LRRC7: variants seen among roughly 807,000 people sequenced by gnomAD.
LRRC7 encodes the protein leucine-rich repeat-containing protein 7.
LRRC7 carries 23 observed loss-of-function variants against 175.7 expected under a neutral mutation model. The observed-to-expected ratio is 0.13, with a 90% confidence interval of 0.09 to 0.19. LRRC7 has a LOEUF of 0.19. Among genes scored for constraint, LRRC7 ranks in the 10% least tolerant of loss-of-function variants. The pLI, the probability that LRRC7 is intolerant of heterozygous loss-of-function variation, is 1.00. For missense variants in LRRC7, 1,354 were observed against 1,904.7 expected (o/e 0.71, Z 5.38); for synonymous variants, 685 against 680.9 (o/e 1.01, Z -0.09).
At chr1:69,954,133 C>T (rs772791474) in intron 8 of LRRC7, among the ~76,000 whole-genome samples, 20 of 151,870 alleles carry the variant, frequency 1.3e-4, no homozygotes, top group Non-Finnish European at 2.6e-4. Flanking sequence ...ATAAGCTTTC[C>T]GTAAGGCGCA....
chr1:69,830,737 T>C (rs1314204302), intron 5 of LRRC7, among the ~76,000 whole-genome samples: 2 of 151,896 alleles, frequency 1.3e-5, no homozygotes, highest in South Asian at 2.1e-4. Context: ...AAATAAAACA[T>C]AGATGTCGTT....
At chr1:69,702,039 C>T (rs1208750338) in intron 2 of LRRC7, among the ~76,000 whole-genome samples, 1 of 152,124 alleles carries the variant, frequency 6.6e-6, no homozygotes, top group Admixed American at 6.6e-5. Context: ...TATCCGAAAA[C>T]AAGGCATTGT....
At chr1:69,781,786 A>C (rs12042558) in intron 3 of LRRC7, among the ~76,000 whole-genome samples, 5 of 28,246 alleles carry the variant, frequency 1.8e-4, no homozygotes, top group Non-Finnish European at 3.0e-4. Flanking sequence ...AGAAAGAAAG[A>C]AAGGAAGGAA....
Position 69,663,700 on chromosome 1 carries a change from A to ATTTTTTTTTTTTT in LRRC7, c.3-14661_3-14649dup, listed in dbSNP as rs552339451. The stretch of plus-strand genomic sequence containing the variant: ...TGTCTCCATTAGTTCAATCGTTTTA[A>ATTTTTTTTTTTTT]TTTTTTTTTTTTTTTTTTTTTTTTT... On this transcript the variant is annotated intron_variant, in intron 1 of 26. Coordinates refer to ENST00000651989, the MANE Select transcript of LRRC7 (RefSeq NM_001370785.2). 1.2e-4 allele frequency among the ~76,000 whole-genome samples: 8 copies of ATTTTTTTTTTTTT among 67,726 alleles called. 2 individuals carry two copies. Among genetic ancestry groups the ATTTTTTTTTTTTT allele is most frequent in the African/African-American group, 2.7e-4 (4 of 14,920 alleles). 44.4% of individuals were successfully genotyped at this position (67,726 alleles called of 152,430 possible).
At chr1:69,935,648 T>G (rs942033878) in intron 8 of LRRC7, among the ~76,000 whole-genome samples, 14 of 152,186 alleles carry the variant, frequency 9.2e-5, no homozygotes, top group Non-Finnish European at 1.8e-4. Flanking sequence ...TTTATGTATT[T>G]TTGCTCATTT....
intron 7 of LRRC7, among the ~76,000 whole-genome samples, chr1:69,864,458 C>T (rs574814905): frequency 6.6e-6 from 1 of 152,262 alleles, no homozygotes; most frequent in East Asian, 1.9e-4. Flanking sequence ...TGTGAAAAAG[C>T]ATATTGGCCA....
intron 8 of LRRC7, among the ~76,000 whole-genome samples, chr1:69,943,738 T>C (rs996322557): frequency 2.6e-5 from 4 of 152,026 alleles, no homozygotes; most frequent in African/African-American, 9.7e-5. Context: ...CTTTAAAGCT[T>C]AAGCTTCATT....
intron 10 of LRRC7, among the ~76,000 whole-genome samples, chr1:69,989,489 A>G (rs1207240557): frequency 6.6e-6 from 1 of 152,170 alleles, no homozygotes; most frequent in Non-Finnish European, 1.5e-5. Flanking sequence ...GCTATAATGA[A>G]GAAAGTATGA....
chr1:69,698,449 T>C (rs1034437666), intron 2 of LRRC7, among the ~76,000 whole-genome samples: 2 of 152,212 alleles, frequency 1.3e-5, no homozygotes, highest in Admixed American at 1.3e-4. Context: ...CAGAAAGCAA[T>C]GGCTCTCGCC....
At chr1:70,116,217 A>G (rs961486215) in intron 26 of LRRC7, among the ~76,000 whole-genome samples, 3 of 152,216 alleles carry the variant, frequency 2.0e-5, no homozygotes, top group Non-Finnish European at 2.9e-5. Context: ...AATTCATGAG[A>G]AATTCAAGCT....
In LRRC7 at chr1:70,089,733, G is replaced by A; in HGVS notation, c.4459G>A (p.Val1487Met). 6.2e-7 allele frequency: 1 copy of A among 1,600,474 alleles called. No homozygotes were observed. Among genetic ancestry groups the A allele is most frequent in the Non-Finnish European group, 8.5e-7 (1 of 1,170,560 alleles). Residue 1487 changes from valine to methionine, a missense_variant, in exon 25 of 27, where the codon GTG (valine) becomes ATG (methionine). By Grantham distance (21) the Val-to-Met change is conservative (BLOSUM62 1). Coordinates refer to ENST00000651989, the MANE Select transcript of LRRC7 (RefSeq NM_001370785.2). ...SMDGYPEQFCVRIEKNPGLGF... is the reference protein window; with the variant it reads ...SMDGYPEQFCMRIEKNPGLGF... ...TTATATCTTTTTTACATAGTTTTGT[G>A]TGAGAATAGAAAAGAATCCTGGCCT...
At chr1:70,097,074 A>T (rs1190095445) in intron 25 of LRRC7, among the ~76,000 whole-genome samples, 1 of 152,228 alleles carries the variant, frequency 6.6e-6, no homozygotes, top group Non-Finnish European at 1.5e-5. Context: ...CACATAGGTA[A>T]TGAATGAAAA....
chr1:70,089,962 A>G, intron 25 of LRRC7, 143 bp downstream of exon 25: 1 of 563,996 alleles, frequency 1.8e-6, no homozygotes, highest in South Asian at 2.1e-5. Flanking sequence ...AAACTTTTTC[A>G]GCACAGGGAT....
chr1:70,070,503 A>AT (rs1230356308), intron 23 of LRRC7, among the ~76,000 whole-genome samples: 8 of 151,960 alleles, frequency 5.3e-5, no homozygotes, highest in African/African-American at 1.9e-4. Flanking sequence ...ATGATGAGTG[A>AT]TTTTTTAATT....
intron 3 of LRRC7, among the ~76,000 whole-genome samples, chr1:69,770,486 G>A (rs1468155732): frequency 6.6e-6 from 1 of 152,116 alleles, no homozygotes; most frequent in Non-Finnish European, 1.5e-5. Flanking sequence ...GGTTGTGATT[G>A]TAGTTTCTCA....
Position 69,995,334 on chromosome 1 carries a change from A to C in LRRC7, c.1004+701A>C, listed in dbSNP as rs17131110. On this transcript the variant is annotated intron_variant, in intron 11 of 26. Coordinates refer to ENST00000651989, the MANE Select transcript of LRRC7 (RefSeq NM_001370785.2). Reference sequence around the variant, plus strand: ...TAGAGGCTGTCTTCATTCTGAAATTATGTAAGGGCATTTTATTGAGATCTT... The same window carrying C: ...TAGAGGCTGTCTTCATTCTGAAATTCTGTAAGGGCATTTTATTGAGATCTT... 6.9e-3 allele frequency among the ~76,000 whole-genome samples: 1,055 copies of C among 152,258 alleles called. 12 individuals are homozygous for C. The highest frequency in any genetic ancestry group is 0.024 in the African/African-American group (1,006 of 41,568).
intron 4 of LRRC7, among the ~76,000 whole-genome samples, chr1:69,803,909 A>G (rs375488705): frequency 6.6e-6 from 1 of 151,316 alleles, no homozygotes; most frequent in Admixed American, 6.6e-5. Context: ...CTTTTTAGCA[A>G]CTTTTCCAGA....
chr1:70,099,897 A>T (rs1664690684), intron 25 of LRRC7, among the ~76,000 whole-genome samples: 2 of 152,208 alleles, frequency 1.3e-5, no homozygotes, highest in African/African-American at 4.8e-5. Context: ...TAAAGGATTT[A>T]TAAAATAAAA....
chr1:69,571,348 ACTTT>A (rs1645732423), intron 1 of LRRC7, among the ~76,000 whole-genome samples: 1 of 152,118 alleles, frequency 6.6e-6, no homozygotes, highest in Admixed American at 6.6e-5. Context: ...TTCTTATTCC[ACTTT>A]CTTTTTTAAG....
Sources: allele counts gnomAD v4.1 joint callset (sites outside exome capture counted in the v4.1 genomes callset), GRCh38; gene constraint gnomAD v4.1.1; transcripts MANE v1.5; gene names NCBI Gene and HGNC (gene_info 2026-07-23, HGNC 2026-07-21).